The following FAT3 variants were observed in gnomAD, a reference collection of about 807,000 sequenced individuals.
FAT3 encodes FAT atypical cadherin 3.
Under a neutral mutation model 310.2 loss-of-function variants are expected in FAT3, and 95 were observed. That is an observed-to-expected ratio of 0.31 (90% CI 0.26 to 0.36). FAT3 has a LOEUF of 0.36. Ranked by LOEUF, FAT3 falls within the 10% of genes least tolerant of loss-of-function variation. The pLI, the probability that FAT3 is intolerant of heterozygous loss-of-function variation, is 1.00. For synonymous variants in FAT3, 2,314 were observed against 2,192.9 expected (o/e 1.06, Z -1.54); for missense variants, 5,408 against 5,715.6 (o/e 0.95, Z 1.74).
At chr11:92,775,918 A>G (rs951313945) in intron 7 of FAT3, among the ~76,000 whole-genome samples, 1 of 152,162 alleles carries the variant, frequency 6.6e-6, no homozygotes, top group African/African-American at 2.4e-5. Flanking sequence ...AGACACATGG[A>G]AAGAACCCAT....
chr11:92,643,839 C>T (rs1420291963), intron 3 of FAT3, among the ~76,000 whole-genome samples: 1 of 152,248 alleles, frequency 6.6e-6, no homozygotes, highest in Non-Finnish European at 1.5e-5. Flanking sequence ...ATGATTGGAA[C>T]CTGACAATAT....
In FAT3 at chr11:92,801,480, A is replaced by T; in HGVS notation, c.8467A>T (p.Ile2823Leu). ...TGAAACTTCAAGCTATGACACCATTATAATGGAAGGGATGCCTGTTGGCAC... is the reference window on the plus strand; with the variant it reads ...TGAAACTTCAAGCTATGACACCATTTTAATGGAAGGGATGCCTGTTGGCAC... ...VFETSSYDTI[I>L]MEGMPVGTKL... Residue 2823 changes from isoleucine (I) to leucine (L), a missense_variant, in exon 10 of 28, where the codon ATA (isoleucine) becomes TTA (leucine). Physicochemically the swap from Ile to Leu is conservative, Grantham distance 5. This residue lies in a region of FAT3 where 4,588 missense variants were observed against 4,809.8 expected (regional missense o/e 0.95). Transcript: ENST00000525166. 1 of 1,613,504 alleles carries T rather than the reference A, an allele frequency of 6.2e-7. No individual in the cohort carries two copies. The highest frequency in any genetic ancestry group is 8.5e-7 in the Non-Finnish European group (1 of 1,179,644).
intron 3 of FAT3, among the ~76,000 whole-genome samples, chr11:92,534,830 C>T (rs1378139891): frequency 6.6e-6 from 1 of 152,084 alleles, no homozygotes; most frequent in South Asian, 2.1e-4. Context: ...TAACTGAAGC[C>T]ACATAAGACA....
intron 4 of FAT3, among the ~76,000 whole-genome samples, chr11:92,706,295 A>T (rs1565528347): frequency 6.6e-6 from 1 of 152,126 alleles, no homozygotes; most frequent in Non-Finnish European, 1.5e-5. Context: ...GATGCAGAAA[A>T]ACAAACCTTT....
chr11:92,376,857 T>C (rs924016747), intron 2 of FAT3, among the ~76,000 whole-genome samples: 4 of 152,194 alleles, frequency 2.6e-5, no homozygotes, highest in African/African-American at 9.7e-5. Flanking sequence ...GCAGAAAATA[T>C]TGAGCAAGAC....
At chr11:92,816,559 C>A (rs1405331065) in intron 13 of FAT3, among the ~76,000 whole-genome samples, 2 of 152,146 alleles carry the variant, frequency 1.3e-5, no homozygotes, top group African/African-American at 4.8e-5. Context: ...ACCTCTGCTG[C>A]AATGATGAAA....
In FAT3 at chr11:92,397,210, AT is replaced by A. The variant is rs199622776; in HGVS notation, c.3292+41807del. On this transcript the variant is annotated intron_variant, in intron 2 of 27. Coordinates refer to ENST00000525166, the MANE Select transcript of FAT3 (RefSeq NM_001367949.2). The stretch of plus-strand genomic sequence containing the variant: ...CCTTTTTGGTTTGGTCTTTATATAT[AT>A]AAAAAAAATTAACTGCGATTTTTGG... Among the ~76,000 whole-genome samples, 1,040 of 151,656 alleles carry A rather than the reference AT, an allele frequency of 6.9e-3. 13 individuals are homozygous for A. The highest frequency in any genetic ancestry group is 0.024 in the African/African-American group (1,000 of 41,092).
At chr11:92,503,593 G>T (rs988857631) in intron 2 of FAT3, among the ~76,000 whole-genome samples, 1 of 152,028 alleles carries the variant, frequency 6.6e-6, no homozygotes, top group African/African-American at 2.4e-5. Context: ...AACTCTCATT[G>T]TGCCACCTGA....
At chr11:92,863,101 G>A (rs1375928337) in intron 21 of FAT3, among the ~76,000 whole-genome samples, 1 of 152,032 alleles carries the variant, frequency 6.6e-6, no homozygotes, top group Admixed American at 6.5e-5. Flanking sequence ...ATAGGTTTTT[G>A]TATTTTTGTT....
intron 3 of FAT3, 115 bp downstream of exon 3, chr11:92,525,063 C>A: frequency 1.1e-6 from 1 of 899,350 alleles, no homozygotes; most frequent in Non-Finnish European, 1.7e-6. Context: ...ATCTTCCTTT[C>A]TGAGAATGGT....
At chr11:92,643,667 C>T (rs1276314970) in intron 3 of FAT3, among the ~76,000 whole-genome samples, 1 of 152,226 alleles carries the variant, frequency 6.6e-6, no homozygotes, top group Non-Finnish European at 1.5e-5. Flanking sequence ...TAGATGAAGA[C>T]AGTCCCTGGC....
chr11:92,673,869 A>G (rs774129885), intron 3 of FAT3, among the ~76,000 whole-genome samples: 1 of 152,086 alleles, frequency 6.6e-6, no homozygotes, highest in Non-Finnish European at 1.5e-5. Context: ...ATAAGTTTCT[A>G]TGTACTTATC....
intron 1 of FAT3, among the ~76,000 whole-genome samples, chr11:92,260,305 G>A (rs12280784): frequency 1.3e-5 from 2 of 151,798 alleles, no homozygotes; most frequent in Non-Finnish European, 2.9e-5. Flanking sequence ...ACCCAAACTC[G>A]TATTTCTCTT....
Position 92,887,008 on chromosome 11 carries a change from G to A in FAT3, c.12946G>A (p.Val4316Ile), listed in dbSNP as rs1426823279. 1 of 1,603,872 alleles carries A rather than the reference G, an allele frequency of 6.2e-7. No individual in the cohort carries two copies. The highest frequency in any genetic ancestry group is 8.5e-7 in the Non-Finnish European group (1 of 1,175,274). Residue 4316 changes from valine to isoleucine, a missense_variant, in exon 25 of 28, where the codon GTT becomes ATT. Physicochemically the swap from Val to Ile is conservative, Grantham distance 29. Transcript: ENST00000525166. ...GWDAGTENKG[V>I]DDPGEVTCFA... is the part of the protein sequence containing the mutation. Reference sequence around the variant, plus strand: ...TTTCACTGTCCATGAAGACAAAGGGGTTGATGACCCGGGAGAAGTGACCTG... The same window carrying A: ...TTTCACTGTCCATGAAGACAAAGGGATTGATGACCCGGGAGAAGTGACCTG...
At chr11:92,772,160 T>C (rs1946476135) in intron 6 of FAT3, among the ~76,000 whole-genome samples, 1 of 152,182 alleles carries the variant, frequency 6.6e-6, no homozygotes, top group Non-Finnish European at 1.5e-5. Flanking sequence ...ACCCAAAGAT[T>C]TAAGAAAGTT....
intron 3 of FAT3, among the ~76,000 whole-genome samples, chr11:92,559,127 A>T (rs487902): frequency 3.6e-4 from 55 of 151,964 alleles, no homozygotes; most frequent in African/African-American, 1.3e-3. Flanking sequence ...TTGTGTGTGC[A>T]TGTATTTTTT....
intron 22 of FAT3, among the ~76,000 whole-genome samples, chr11:92,873,173 G>C (rs565197777): frequency 6.6e-6 from 1 of 152,254 alleles, no homozygotes; most frequent in East Asian, 1.9e-4. Context: ...CCGATGAAGT[G>C]AGTATTAGTG....
At chr11:92,618,524 T>C (rs1940931146) in intron 3 of FAT3, among the ~76,000 whole-genome samples, 1 of 152,138 alleles carries the variant, frequency 6.6e-6, no homozygotes, top group African/African-American at 2.4e-5. Context: ...GTACCTCAGC[T>C]GGAAATGCAG....
chr11:92,355,738 T>C (rs1471361897), intron 2 of FAT3, among the ~76,000 whole-genome samples: 1 of 152,222 alleles, frequency 6.6e-6, no homozygotes, highest in Non-Finnish European at 1.5e-5. Flanking sequence ...AATGAAGGAC[T>C]CTGATAAAGT....
Sources: allele counts gnomAD v4.1 joint callset (sites outside exome capture counted in the v4.1 genomes callset), GRCh38; gene constraint gnomAD v4.1.1; regional missense constraint gnomAD v4.1.1; transcripts MANE v1.5; gene names NCBI Gene and HGNC (gene_info 2026-07-23, HGNC 2026-07-21).